The following WDR44 variants were observed in gnomAD, a reference collection of about 807,000 sequenced individuals.
The protein encoded by WDR44 is WD repeat-containing protein 44.
In WDR44, 9 loss-of-function variants were observed where a neutral mutation model predicts 65.7. That is an observed-to-expected ratio of 0.14 (90% CI 0.08 to 0.24). WDR44 has a LOEUF of 0.24. Ranked by LOEUF, WDR44 falls within the 10% of genes least tolerant of loss-of-function variation. The pLI is 1.00. For missense variants in WDR44, 425 were observed against 670.9 expected (o/e 0.63, Z 4.05); for synonymous variants, 220 against 235.2 (o/e 0.94, Z 0.59).
Position 118,410,935 on chromosome X carries a change from A to G in WDR44, c.1713A>G (p.Ser571=), listed in dbSNP as rs942110809. 1.7e-6 allele frequency: 2 copies of G among 1,200,536 alleles called. No individual in the cohort carries two copies. Among genetic ancestry groups the G allele is most frequent in the Non-Finnish European group, 2.2e-6 (2 of 890,839 alleles). ...SPSPSQESLS[S]SKSDTDTGVC... ...CACCCTCTCAGGAAAGTCTAAGTTC[A>G]TCAAAATCGGATACAGATACAGGGG... The change falls in exon 12 of 20, where the codon TCA becomes TCG. Residue 571 remains serine (S), a synonymous_variant. Coordinates refer to ENST00000254029, the MANE Select transcript of WDR44 (RefSeq NM_019045.5).
intron 2 of WDR44, among the ~76,000 whole-genome samples, chrX:118,379,016 C>T (rs10126803): frequency 0.012 from 1,318 of 108,333 alleles, 16 homozygotes; most frequent in African/African-American, 0.042. Context: ...TGCACTCCAG[C>T]CTGGGTGACA....
intron 12 of WDR44, among the ~76,000 whole-genome samples, chrX:118,425,377 G>T (rs2057147135): frequency 8.9e-6 from 1 of 112,226 alleles, no homozygotes; most frequent in South Asian, 3.7e-4. Flanking sequence ...ACCAGGCATG[G>T]TGGCTTATGC....
intron 1 of WDR44, among the ~76,000 whole-genome samples, chrX:118,370,772 T>C (rs1361027800): frequency 9.1e-6 from 1 of 109,978 alleles, no homozygotes; most frequent in East Asian, 2.8e-4. Context: ...TTAGTAGAGA[T>C]GAGTTTTCAC....
At chrX:118,388,724 A>G (rs1265614158) in intron 3 of WDR44, among the ~76,000 whole-genome samples, 1 of 111,960 alleles carries the variant, frequency 8.9e-6, no homozygotes, top group African/African-American at 3.2e-5. Context: ...CTATAATTCT[A>G]TACTATAACA....
chrX:118,438,030 T>TGA (rs1556138030), intron 14 of WDR44, among the ~76,000 whole-genome samples: 2 of 86,892 alleles, frequency 2.3e-5, no homozygotes, highest in Non-Finnish European at 4.7e-5. Context: ...TGTCTCAAAA[T>TGA]AAAAAAAAAA....
rs186083208 is a variant in WDR44, at chrX:118,416,754, C to G, written c.1737+5795C>G. On this transcript the variant is annotated intron_variant, in intron 12 of 19. Transcript: ENST00000254029. ...CGTTGTTTCTTTGTTGACTTTCTGC[C>G]TTGATGACCTGTCTAGTGCTGTCAG... is the stretch of plus-strand genomic sequence containing the variant. Among the ~76,000 whole-genome samples, 18 of 111,633 alleles carry G rather than the reference C, an allele frequency of 1.6e-4. No homozygotes were observed. The East Asian group carries it at 5.1e-3, about 31-fold the overall frequency.
At chrX:118,426,747 C>A (rs2057160238) in intron 12 of WDR44, among the ~76,000 whole-genome samples, 1 of 104,239 alleles carries the variant, frequency 9.6e-6, no homozygotes, top group Non-Finnish European at 2.0e-5. Context: ...TAACATTTTA[C>A]TTGGTAATTC....
At chrX:118,367,028 G>A (rs1054739245) in intron 1 of WDR44, among the ~76,000 whole-genome samples, 1 of 109,687 alleles carries the variant, frequency 9.1e-6, no homozygotes, top group Admixed American at 9.7e-5. Context: ...GGAGCTTGCG[G>A]TAAGCCGAGA....
intron 1 of WDR44, among the ~76,000 whole-genome samples, chrX:118,367,012 G>A (rs1447201343): frequency 9.1e-6 from 1 of 110,037 alleles, no homozygotes; most frequent in African/African-American, 3.3e-5. Context: ...CGTGAACCTG[G>A]AAGGCGGAGC....
intron 3 of WDR44, among the ~76,000 whole-genome samples, chrX:118,388,236 G>A (rs1447734124): frequency 8.9e-6 from 1 of 111,802 alleles, no homozygotes; most frequent in East Asian, 2.8e-4. Context: ...ACCCCTAATG[G>A]AAAACCACTG....
rs537835991 is a variant in WDR44, at chrX:118,355,380, G to A, written c.77+8800G>A. 8.0e-5 allele frequency among the ~76,000 whole-genome samples: 9 copies of A among 112,066 alleles called. No individual in the cohort carries two copies. In the South Asian group the frequency reaches 3.3e-3, roughly 41 times the overall value. ...AAAAATTGGTTGCATTGGATATGGT[G>A]GACAAGTTGGTAAAGACTTTAGTGT... On this transcript the variant is annotated intron_variant, in intron 1 of 19. Coordinates refer to ENST00000254029, the MANE Select transcript of WDR44 (RefSeq NM_019045.5).
chrX:118,369,735 G>A (rs1325866191), intron 1 of WDR44, among the ~76,000 whole-genome samples: 1 of 111,749 alleles, frequency 8.9e-6, no homozygotes, highest in African/African-American at 3.3e-5. Flanking sequence ...CCAAAGTGCT[G>A]GGATTACAGG....
At chrX:118,394,015 A>G (rs1569367975) in intron 4 of WDR44, 40 bp from the exon 5 acceptor site, 1 of 1,162,088 alleles carries the variant, frequency 8.6e-7, no homozygotes, top group Middle Eastern at 2.4e-4. Flanking sequence ...GAATCAAACA[A>G]AAAGGGTTGT....
intron 1 of WDR44, among the ~76,000 whole-genome samples, chrX:118,352,083 A>G (rs1454100570): frequency 9.3e-6 from 1 of 107,581 alleles, no homozygotes; most frequent in Non-Finnish European, 1.9e-5. Context: ...TGGAAACTGT[A>G]TTCTCTTCTT....
chrX:118,364,370 A>G (rs1349093451), intron 1 of WDR44, among the ~76,000 whole-genome samples: 2 of 112,307 alleles, frequency 1.8e-5, no homozygotes, highest in East Asian at 5.6e-4. Flanking sequence ...CAGAAAGCCT[A>G]TCCAAATATG....
intron 6 of WDR44, among the ~76,000 whole-genome samples, 171 bp from the exon 7 acceptor site, chrX:118,396,799 C>T (rs1391895304): frequency 1.8e-5 from 2 of 111,593 alleles, no homozygotes; most frequent in Non-Finnish European, 3.8e-5. Context: ...TAAATGAGTG[C>T]ATTTTGTGGC....
intron 1 of WDR44, among the ~76,000 whole-genome samples, chrX:118,352,342 A>T (rs868762482): frequency 3.2e-3 from 68 of 21,033 alleles, no homozygotes; most frequent in African/African-American, 0.02. Context: ...ATATATATAT[A>T]TATATATATA....
intron 8 of WDR44, 136 bp from the exon 9 acceptor site, chrX:118,404,202 C>T (rs1712731238): frequency 4.6e-6 from 2 of 438,778 alleles, no homozygotes; most frequent in Non-Finnish European, 7.9e-6. Flanking sequence ...GGATTTGGAA[C>T]TCAAACACCT....
intron 12 of WDR44, among the ~76,000 whole-genome samples, chrX:118,424,285 G>A (rs200810461): frequency 5.5e-5 from 5 of 90,155 alleles, no homozygotes; most frequent in Admixed American, 1.3e-4. Context: ...ATATATATGT[G>A]TGTGTGTGTA....
Sources: allele counts gnomAD v4.1 joint callset (sites outside exome capture counted in the v4.1 genomes callset), GRCh38; gene constraint gnomAD v4.1.1; transcripts MANE v1.5; gene names NCBI Gene and HGNC (gene_info 2026-07-23, HGNC 2026-07-21).